The following KIAA0753 variants were observed in gnomAD, a reference collection of about 807,000 sequenced individuals.
KIAA0753 encodes protein moonraker.
Under a neutral mutation model 116.9 loss-of-function variants are expected in KIAA0753, and 114 were observed. That is an observed-to-expected ratio of 0.98 (90% CI 0.84 to 1.14). The LOEUF (loss-of-function observed/expected upper bound fraction) is 1.14, where lower values mean the gene tolerates loss of function less well. Among genes scored for constraint, KIAA0753 ranks in the 50% most tolerant of loss-of-function variants. The pLI is 0.00. For missense variants in KIAA0753, 1,156 were observed against 1,172.4 expected, an observed-to-expected ratio of 0.99 and a Z score of 0.20; for synonymous variants, 405 against 413.1, an observed-to-expected ratio of 0.98 and a Z score of 0.24.
Position 6,628,012 on chromosome 17 carries a change from G to A in KIAA0753, c.718+105C>T, listed in dbSNP as rs546377691. The stretch of plus-strand genomic sequence containing the variant: ...CACTCCAGTGAACCAACTCACAGAA[G>A]GAAAGAATGAAATTGCTATAGGGGT... On this transcript the variant is annotated intron_variant, in intron 3 of 18. Coordinates refer to ENST00000361413, the MANE Select transcript of KIAA0753 (RefSeq NM_014804.3). 1.6e-4 allele frequency: 182 copies of A among 1,125,840 alleles called. 1 individual carries two copies. The South Asian group carries it at 2.7e-3, about 17-fold the overall frequency. The allele number at this position is 1,125,840 out of a possible 1,614,324, so 69.7% of individuals were successfully genotyped here.
intron 6 of KIAA0753, among the ~76,000 whole-genome samples, chr17:6,621,952 C>CAA (rs141629836): frequency 0.016 from 2,453 of 152,170 alleles, 22 homozygotes; most frequent in Non-Finnish European, 0.023. Flanking sequence ...ATCACAAACA[C>CAA]ATTTGCTTGA....
In KIAA0753 at chr17:6,596,305, C is replaced by G; in HGVS notation, c.2211G>C (p.Gln737His). ...CACAATCTTCCAAAAAATCATCAAG[C>G]TGACGAATGTTGTTGGATTCAAAAT... ...AVDFESNNIR[Q>H]LDDFLEDCAS... Residue 737 changes from glutamine to histidine, a missense_variant, in exon 15 of 19, where the codon CAG (glutamine) becomes CAC (histidine). Transcript: ENST00000361413. The G allele has an allele frequency of 6.2e-7, 1 of 1,602,204 alleles. No individual in the cohort carries two copies. Among genetic ancestry groups the G allele is most frequent in the Admixed American group, 1.7e-5 (1 of 59,378 alleles).
intron 2 of KIAA0753, among the ~76,000 whole-genome samples, chr17:6,633,336 C>G (rs944492251): frequency 1.3e-5 from 2 of 152,212 alleles, no homozygotes; most frequent in East Asian, 1.9e-4. Context: ...TCTTTGTACA[C>G]CACGATAAGA....
At position 6,612,479 on chromosome 17, in the gene KIAA0753, T is replaced by C. The variant is rs561555985; in HGVS notation, c.1316-331A>G. Among the ~76,000 whole-genome samples, 9 of 152,364 alleles carry C rather than the reference T, an allele frequency of 5.9e-5. No homozygotes were observed. The East Asian group carries it at 1.3e-3, about 23-fold the overall frequency. On this transcript the variant is annotated intron_variant, in intron 7 of 18. Coordinates refer to ENST00000361413, the MANE Select transcript of KIAA0753 (RefSeq NM_014804.3). ...ACCCAAGGTCAGGCTTGCAGTATCC[T>C]GTGACTGGAATAACAGTGTCTCCTA...
At position 6,589,879 on chromosome 17, in the gene KIAA0753, G is replaced by A. The variant is rs149782904; in HGVS notation, c.2686C>T (p.Gln896Ter). 679 of 1,613,730 alleles carry A rather than the reference G, an allele frequency of 4.2e-4. 4 individuals are homozygous for A. The African/African-American group carries it at 7.9e-3, about 19-fold the overall frequency. The change falls in exon 18 of 19, where the codon CAG (glutamine) becomes TAG (stop). Residue 896 changes from glutamine to a stop codon, truncating the protein, a stop_gained. Coordinates refer to ENST00000361413, the MANE Select transcript of KIAA0753 (RefSeq NM_014804.3). LOFTEE classifies it high-confidence loss of function. The part of the protein sequence containing the change: ...RAPLFVPPGM[Q>*]HSIGDYCSRF... ...CTACAGTAGTCACCGATGCTGTGCTGCATACCCGGTGGGACAAAGAGGGGA... is the reference window on the plus strand; with the variant it reads ...CTACAGTAGTCACCGATGCTGTGCTACATACCCGGTGGGACAAAGAGGGGA...
Position 6,590,232 on chromosome 17 carries a change from G to A in KIAA0753, c.2562-229C>T, listed in dbSNP as rs202075573. On this transcript the variant is annotated intron_variant, in intron 17 of 18. Coordinates refer to ENST00000361413, the MANE Select transcript of KIAA0753 (RefSeq NM_014804.3). ...AACAACAGCATTCTTAAAGCAAATC[G>A]TGCAGTAAATATCACTACAACCCAC... Among the ~76,000 whole-genome samples the A allele has an allele frequency of 5.3e-4, 80 of 152,156 alleles. No individual in the cohort carries two copies. In the South Asian group the frequency reaches 0.015, roughly 28 times the overall value.
At chr17:6,612,897 C>A (rs778624716) in intron 7 of KIAA0753, among the ~76,000 whole-genome samples, 2 of 151,716 alleles carry the variant, frequency 1.3e-5, no homozygotes, top group African/African-American at 4.8e-5. Flanking sequence ...TACATACATA[C>A]ATAAATAAAT....
chr17:6,596,221 G>A lies in KIAA0753; in HGVS notation c.2295C>T (p.Thr765=), dbSNP rs778837881. 16 of 1,613,712 alleles carry A rather than the reference G, an allele frequency of 9.9e-6. No individual in the cohort carries two copies. In the East Asian group the frequency reaches 1.3e-4, roughly 13 times the overall value. ...AKILGSETLA[T]VEDSKDSPDL... is the part of the protein sequence containing the mutation. ...CTGGGCTATCCTTGCTGTCCTCAAC[G>A]GTGGCTAAGGTTTCAGACCCCAAGA... The change falls in exon 15 of 19, where the codon ACC becomes ACT. Residue 765 remains threonine, a synonymous_variant. Coordinates refer to ENST00000361413, the MANE Select transcript of KIAA0753 (RefSeq NM_014804.3).
intron 6 of KIAA0753, 120 bp from the exon 7 acceptor site, chr17:6,621,118 T>A: frequency 1.3e-6 from 1 of 790,374 alleles, no homozygotes. Flanking sequence ...CTCTAACAGT[T>A]AACACAATCT....
chr17:6,623,926 C>T (rs1026304674), intron 4 of KIAA0753: 1 of 178,156 alleles, frequency 5.6e-6, no homozygotes, highest in Non-Finnish European at 1.2e-5. Context: ...CAGAGAGCCA[C>T]TAAAGTCTTT....
chr17:6,589,631 C>T (rs1364536597), intron 18 of KIAA0753, 148 bp downstream of exon 18: 2 of 573,046 alleles, frequency 3.5e-6, no homozygotes, highest in Non-Finnish European at 6.0e-6. Context: ...AAATAGAGAG[C>T]CTGTCTCCTA....
At chr17:6,599,096 A>G in intron 14 of KIAA0753, 141 bp downstream of exon 14, 1 of 638,300 alleles carries the variant, frequency 1.6e-6, no homozygotes, top group Non-Finnish European at 2.8e-6. Flanking sequence ...AAGAATTAAC[A>G]TGCCAAATGT....
chr17:6,635,078 G>A lies in KIAA0753; in HGVS notation c.26C>T (p.Thr9Ile). Residue 9 changes from threonine to isoleucine, a missense_variant, in exon 2 of 19, where the codon ACC (threonine) becomes ATC (isoleucine). Coordinates refer to ENST00000361413, the MANE Select transcript of KIAA0753 (RefSeq NM_014804.3). ...GGTCCTAGGTGCTAGATGAACACAGGTTGAAGCTGGCTGGCCTGGTCCCAT... is the reference window on the plus strand; with the variant it reads ...GGTCCTAGGTGCTAGATGAACACAGATTGAAGCTGGCTGGCCTGGTCCCAT... MGPGQPAS[T>I]CVHLAPRTQL... The A allele has an allele frequency of 6.2e-7, 1 of 1,613,914 alleles. No individual in the cohort carries two copies. The highest frequency in any genetic ancestry group is 2.2e-5 in the East Asian group (1 of 44,868).
chr17:6,597,267 G>T (rs1200043763), intron 14 of KIAA0753, among the ~76,000 whole-genome samples: 2 of 151,892 alleles, frequency 1.3e-5, no homozygotes, highest in African/African-American at 4.8e-5. Flanking sequence ...GGCCAATAAA[G>T]ATATGAAAAA....
chr17:6,597,788 T>A (rs1309198993), intron 14 of KIAA0753, among the ~76,000 whole-genome samples: 1 of 152,220 alleles, frequency 6.6e-6, no homozygotes, highest in African/African-American at 2.4e-5. Context: ...AAATGTCTCC[T>A]CCATTTTAAA....
chr17:6,621,471 G>A (rs16955976), intron 6 of KIAA0753, among the ~76,000 whole-genome samples: 6,886 of 152,142 alleles, frequency 0.045, 228 homozygotes, highest in African/African-American at 0.084. Flanking sequence ...CCTAAAAAAA[G>A]GCATTTCCTC....
intron 10 of KIAA0753, 52 bp downstream of exon 10, chr17:6,608,296 A>T: frequency 1.2e-6 from 1 of 800,094 alleles, no homozygotes; most frequent in Non-Finnish European, 1.9e-6. Context: ...TTCCAAGTCT[A>T]TGTAAAAGGA....
chr17:6,600,509 A>G (rs761538458), intron 12 of KIAA0753, 51 bp from the exon 13 acceptor site: 3 of 1,426,696 alleles, frequency 2.1e-6, no homozygotes, highest in Non-Finnish European at 2.0e-6. Context: ...AAAATATCCT[A>G]TTTTGCATAT....
intron 18 of KIAA0753, among the ~76,000 whole-genome samples, chr17:6,585,123 T>C (rs1968473193): frequency 7.2e-6 from 1 of 138,390 alleles, no homozygotes; most frequent in African/African-American, 2.9e-5. Context: ...TCTGCCCTTA[T>C]CTTTAATTGA....
Sources: allele counts gnomAD v4.1 joint callset (sites outside exome capture counted in the v4.1 genomes callset), GRCh38; gene constraint gnomAD v4.1.1; transcripts MANE v1.5; gene names NCBI Gene and HGNC (gene_info 2026-07-23, HGNC 2026-07-21).